Variants in NKD2 observed in about 807,000 individuals in gnomAD.
The protein encoded by NKD2 is protein naked cuticle homolog 2.
Under a neutral mutation model 34.8 loss-of-function variants are expected in NKD2, and 43 were observed. The observed-to-expected ratio is 1.24, with a 90% CI of 0.97 to 1.60. The LOEUF (loss-of-function observed/expected upper bound fraction) is 1.60. NKD2 is among the 40% of genes most tolerant of loss of function. The probability of loss-of-function intolerance (pLI) is 0.00; values close to 1 mark genes in which losing one functional copy is unlikely to be tolerated. For missense variants in NKD2, 675 were observed against 627.1 expected (o/e 1.08, Z -0.82); for synonymous variants, 278 against 265.1 (o/e 1.05, Z -0.47).
chr5:1,036,486 T>TCCCCCCCCCCC, intron 9 of NKD2, 102 bp downstream of exon 9: 1 of 695,986 alleles, frequency 1.4e-6, no homozygotes, highest in Admixed American at 3.2e-5. Flanking sequence ...CTCCCTGCCC[T>TCCCCCCCCCCC]GCCCCGCCCC....
At chr5:1,033,080 CA>C (rs1756708050) in intron 4 of NKD2, among the ~76,000 whole-genome samples, 1 of 152,168 alleles carries the variant, frequency 6.6e-6, no homozygotes, top group African/African-American at 2.4e-5. Context: ...CCTGGAGGCC[CA>C]GGCTATGTTC....
At chr5:1,037,376 C>T in intron 9 of NKD2, 2 of 741,872 alleles carry the variant, frequency 2.7e-6, no homozygotes, top group South Asian at 3.6e-5. Context: ...GGAGCTGCAC[C>T]CTACAGGGCT....
intron 3 of NKD2, among the ~76,000 whole-genome samples, chr5:1,021,393 C>CATCCCAACCCCT (rs1166439376): frequency 8.7e-6 from 1 of 114,694 alleles, no homozygotes. Flanking sequence ...CCCACCCACC[C>CATCCCAACCCCT]GTCCCAACCC....
chr5:1,029,636 G>A (rs938419201), intron 3 of NKD2, among the ~76,000 whole-genome samples: 6 of 152,156 alleles, frequency 3.9e-5, no homozygotes, highest in African/African-American at 7.2e-5. Flanking sequence ...CGTGGAGTGC[G>A]TGATGTGCTG....
At chr5:1,032,294 A>G in intron 4 of NKD2, 82 bp downstream of exon 4, 1 of 1,104,854 alleles carries the variant, frequency 9.1e-7, no homozygotes, top group Non-Finnish European at 1.4e-6. Flanking sequence ...ACCACCCTTA[A>G]AACAACCCCG....
chr5:1,025,011 C>T (rs1329185340), intron 3 of NKD2, among the ~76,000 whole-genome samples: 1 of 15,044 alleles, frequency 6.6e-5, no homozygotes, highest in African/African-American at 7.9e-5. Context: ...CCGCTGTGGG[C>T]GTCTCAGCCC....
intron 3 of NKD2, among the ~76,000 whole-genome samples, chr5:1,027,297 C>T (rs1285025329): frequency 6.6e-6 from 1 of 152,250 alleles, no homozygotes; most frequent in Admixed American, 6.5e-5. Context: ...GTGCCAGGTG[C>T]TGCTGGTGGC....
chr5:1,037,459 G>C (rs909127437), intron 9 of NKD2: 2 of 1,432,642 alleles, frequency 1.4e-6, no homozygotes, highest in Admixed American at 4.0e-5. Context: ...TTTAGGGGAT[G>C]CGAATCCTGG....
At chr5:1,028,335 C>T (rs73731133) in intron 3 of NKD2, among the ~76,000 whole-genome samples, 1,745 of 152,300 alleles carry the variant, frequency 0.011, 35 homozygotes, top group African/African-American at 0.038. Flanking sequence ...GTGTGACAGA[C>T]GCCTGCTGCT....
intron 7 of NKD2, 134 bp from the exon 8 acceptor site, chr5:1,035,255 T>A: frequency 1.4e-6 from 1 of 729,758 alleles, no homozygotes; most frequent in Non-Finnish European, 2.4e-6. Flanking sequence ...AACAAGTGAG[T>A]GAGTTAATGA....
rs150106675 is a variant in NKD2 at position 1,022,746 on chromosome 5, T to G, written c.142-9406T>G. ...CCCTTTGTCCCTGCTCTTCCCACCC[T>G]CTGTGGGTGTCCCAGCCCTTTGTCC... On this transcript the variant is annotated intron_variant, in intron 3 of 9. Transcript: ENST00000296849. Among the ~76,000 whole-genome samples, 134 of 4,138 alleles carry G rather than the reference T, an allele frequency of 0.032. 57 individuals are homozygous for G. In the East Asian group the frequency reaches 1, roughly 31 times the overall value. The allele number at this position is 4,138 out of a possible 152,430, so 2.7% of individuals were successfully genotyped here. A position where few individuals can be genotyped will look rare whatever the true frequency, so the allele number is the denominator to read the frequency against.
Position 1,013,304 on chromosome 5 carries a change from G to A in NKD2, c.141+3744G>A, listed in dbSNP as rs551144475. ...TGTGGGGCTTTGTGTCAGAGCCGGC[G>A]GCAGCTGCAGTGTGTCATGGCTGCC... On this transcript the variant is annotated intron_variant, in intron 3 of 9. Transcript: ENST00000296849. Among the ~76,000 whole-genome samples, 83 of 152,328 alleles carry A rather than the reference G, an allele frequency of 5.4e-4. 1 individual carries two copies. The highest frequency in any genetic ancestry group is 1.9e-3 in the South Asian group (9 of 4,828).
At chr5:1,021,490 C>A (rs1046712377) in intron 3 of NKD2, among the ~76,000 whole-genome samples, 1 of 150,650 alleles carries the variant, frequency 6.6e-6, no homozygotes, top group Non-Finnish European at 1.5e-5. Context: ...ACCAGAAGTT[C>A]AGAATAGCAA....
At chr5:1,010,518 T>G (rs547461191) in intron 3 of NKD2, among the ~76,000 whole-genome samples, 5 of 152,336 alleles carry the variant, frequency 3.3e-5, no homozygotes, top group Non-Finnish European at 5.9e-5. Flanking sequence ...GGCTTAGGTC[T>G]GCTTGGAAAT....
chr5:1,029,585 G>A (rs904380614), intron 3 of NKD2, among the ~76,000 whole-genome samples: 1 of 152,140 alleles, frequency 6.6e-6, no homozygotes, highest in Non-Finnish European at 1.5e-5. Context: ...TTAGAAACAC[G>A]GCACGGGCTG....
intron 3 of NKD2, among the ~76,000 whole-genome samples, chr5:1,013,775 T>C (rs1238688383): frequency 1.3e-5 from 2 of 152,148 alleles, no homozygotes; most frequent in Non-Finnish European, 2.9e-5. Context: ...GTGTTGCCCA[T>C]GGTGGAGGCC....
At chr5:1,029,962 T>C (rs1477457042) in intron 3 of NKD2, among the ~76,000 whole-genome samples, 2 of 148,244 alleles carry the variant, frequency 1.3e-5, no homozygotes, top group African/African-American at 5.1e-5. Context: ...GCCTGAGCTC[T>C]GCCTGCTGGT....
intron 3 of NKD2, among the ~76,000 whole-genome samples, chr5:1,030,635 C>T (rs73026747): frequency 0.049 from 7,529 of 152,288 alleles, 426 homozygotes; most frequent in East Asian, 0.14. Context: ...TCCCTCACAG[C>T]GGTGCCTCCC....
At chr5:1,034,438 CGA>C (rs1733721497) in intron 6 of NKD2, 108 bp downstream of exon 6, 1 of 911,288 alleles carries the variant, frequency 1.1e-6, no homozygotes, top group South Asian at 1.4e-5. Flanking sequence ...CTGCCTGCTG[CGA>C]GGTCCTCATG....
Sources: allele counts gnomAD v4.1 joint callset (sites outside exome capture counted in the v4.1 genomes callset), GRCh38; gene constraint gnomAD v4.1.1; transcripts MANE v1.5; gene names NCBI Gene and HGNC (gene_info 2026-07-23, HGNC 2026-07-21).